Variants in LTBP1 observed in about 807,000 individuals in gnomAD.
The protein encoded by LTBP1 is latent transforming growth factor beta binding protein 1.
A neutral mutation model predicts 207.6 loss-of-function variants in LTBP1; 129 were observed. The ratio of observed to expected loss-of-function variants is 0.62; its 90% CI spans 0.54 to 0.72. The LOEUF is 0.72. LTBP1 is among the 30% of genes least tolerant of loss of function. LTBP1 has a pLI of 0.00. For synonymous variants in LTBP1, 963 were observed against 833.7 expected (o/e 1.16, Z -2.67); for missense variants, 2,281 against 2,217.2 (o/e 1.03, Z -0.58).
At chr2:33,388,305 G>A (rs1277713888) in intron 31 of LTBP1, among the ~76,000 whole-genome samples, 1 of 152,178 alleles carries the variant, frequency 6.6e-6, no homozygotes, top group Non-Finnish European at 1.5e-5. Flanking sequence ...CCACAGATGG[G>A]TCTAGCTGGG....
Position 33,365,421 on chromosome 2 carries a change from G to A in LTBP1, c.4629G>A (p.Lys1543=), listed in dbSNP as rs2094973464. 1.9e-6 allele frequency: 3 copies of A among 1,614,222 alleles called. No individual in the cohort carries two copies. Among genetic ancestry groups the A allele is most frequent in the African/African-American group, 1.3e-5 (1 of 75,046 alleles). ...EYVCSRPLVG[K]QTTYTECCCL... The stretch of plus-strand genomic sequence containing the variant: ...TGTGTAGCCGGCCTCTTGTGGGCAA[G>A]CAGACAACGTACACTGAGTGCTGCT... Residue 1543 remains lysine, a synonymous_variant, in exon 31 of 34, where the codon AAG becomes AAA. Coordinates refer to ENST00000404816, the MANE Select transcript of LTBP1 (RefSeq NM_206943.4).
At chr2:32,962,040 C>CT (rs200085324) in intron 2 of LTBP1, among the ~76,000 whole-genome samples, 8,419 of 151,748 alleles carry the variant, frequency 0.055, 270 homozygotes, top group African/African-American at 0.073. Flanking sequence ...AGTTTGTACA[C>CT]TTTTTTTAAT....
chr2:33,055,316 C>T (rs187254195), intron 3 of LTBP1, among the ~76,000 whole-genome samples: 1 of 152,236 alleles, frequency 6.6e-6, no homozygotes, highest in Non-Finnish European at 1.5e-5. Flanking sequence ...TTAAGGCCTC[C>T]CATAGCCACT....
intron 9 of LTBP1, among the ~76,000 whole-genome samples, chr2:33,238,222 A>G (rs1399476019): frequency 6.6e-6 from 1 of 152,170 alleles, no homozygotes; most frequent in African/African-American, 2.4e-5. Flanking sequence ...ATCTCCAGAA[A>G]GCTTCATATT....
At chr2:33,063,928 A>G (rs1269513344) in intron 3 of LTBP1, among the ~76,000 whole-genome samples, 2 of 151,026 alleles carry the variant, frequency 1.3e-5, no homozygotes, top group Non-Finnish European at 2.9e-5. Context: ...ACCTTGGCTC[A>G]CTGCAACCTC....
rs1221871971 is a variant in LTBP1 at position 33,269,984 on chromosome 2, G to C, written c.2618-3672G>C. ...ATTCAACTTTTTTTTTTTTTTTTTT[G>C]AGGCAAAGTCTCGCCCTGTCACTCA... On this transcript the variant is annotated intron_variant, in intron 15 of 33. Coordinates refer to ENST00000404816, the MANE Select transcript of LTBP1 (RefSeq NM_206943.4). 4.3e-5 allele frequency among the ~76,000 whole-genome samples: 3 copies of C among 69,714 alleles called. No individual in the cohort carries two copies. The South Asian group carries it at 1.3e-3, about 31-fold the overall frequency. 45.7% of individuals were successfully genotyped at this position (69,714 alleles called of 152,430 possible).
chr2:33,375,686 C>T (rs955264602), intron 31 of LTBP1, among the ~76,000 whole-genome samples: 1 of 151,380 alleles, frequency 6.6e-6, no homozygotes, highest in Non-Finnish European at 1.5e-5. Context: ...CGCCACCATG[C>T]CCGGCTAATT....
rs542437577 is a variant in LTBP1, at chr2:33,190,140, TA to T, written c.1701+1293del. 4.6e-5 allele frequency among the ~76,000 whole-genome samples: 7 copies of T among 152,344 alleles called. No homozygotes were observed. The South Asian group carries it at 1.4e-3, about 32-fold the overall frequency. The stretch of plus-strand genomic sequence containing the variant: ...AGTGAGAGAAAGGCAAAATTTTCTT[TA>T]AAACTCATCATTGAATGTGCATAGC... On this transcript the variant is annotated intron_variant, in intron 7 of 33. Transcript: ENST00000404816.
At chr2:33,320,167 G>C (rs1352895448) in intron 24 of LTBP1, among the ~76,000 whole-genome samples, 3 of 152,050 alleles carry the variant, frequency 2.0e-5, no homozygotes, top group African/African-American at 7.2e-5. Flanking sequence ...TCAGGAGTTC[G>C]AGGCCAGCTT....
At chr2:33,145,466 G>A (rs2082952022) in intron 5 of LTBP1, among the ~76,000 whole-genome samples, 1 of 152,204 alleles carries the variant, frequency 6.6e-6, no homozygotes. Flanking sequence ...GTTTACTACA[G>A]TGAGGAAAGC....
intron 15 of LTBP1, among the ~76,000 whole-genome samples, chr2:33,269,162 T>C (rs2093258506): frequency 6.6e-6 from 1 of 152,210 alleles, no homozygotes; most frequent in African/African-American, 2.4e-5. Context: ...AGAAAAAAGC[T>C]AAAAGTCAGT....
intron 5 of LTBP1, among the ~76,000 whole-genome samples, chr2:33,181,278 G>T (rs961521494): frequency 6.6e-6 from 1 of 152,170 alleles, no homozygotes; most frequent in Admixed American, 6.5e-5. Flanking sequence ...AATTCAGTTT[G>T]CCCGCATTTA....
rs141209548 is a variant in LTBP1, at chr2:33,146,593, T to C, written c.1201+11633T>C. Among the ~76,000 whole-genome samples the C allele has an allele frequency of 3.5e-3, 532 of 152,196 alleles. 3 individuals are homozygous for C. The highest frequency in any genetic ancestry group is 0.012 in the African/African-American group (506 of 41,512). On this transcript the variant is annotated intron_variant, in intron 5 of 33. Coordinates refer to ENST00000404816, the MANE Select transcript of LTBP1 (RefSeq NM_206943.4). ...CTGTTAAAAACTACCTGAGACTGGG[T>C]AGGTTTCAAAGAAGAGGTTTAAGGA... is the stretch of plus-strand genomic sequence containing the variant.
chr2:33,105,690 C>T (rs1203763699), intron 3 of LTBP1, among the ~76,000 whole-genome samples: 2 of 152,144 alleles, frequency 1.3e-5, no homozygotes, highest in African/African-American at 2.4e-5. Context: ...GCTTCGGCCT[C>T]GCAAAGTGCT....
intron 3 of LTBP1, among the ~76,000 whole-genome samples, chr2:33,031,260 C>T (rs975314312): frequency 1.3e-5 from 2 of 152,152 alleles, no homozygotes; most frequent in Non-Finnish European, 2.9e-5. Flanking sequence ...AGACATAAAT[C>T]GTAATATACT....
intron 24 of LTBP1, among the ~76,000 whole-genome samples, chr2:33,326,640 A>ATTTATTTATTTATTTATTTATTTATTT (rs2094431007): frequency 6.2e-5 from 9 of 144,588 alleles, no homozygotes; most frequent in African/African-American, 2.1e-4. Flanking sequence ...TGAGGGATAT[A>ATTTATTTATTTATTTATTTATTTATTT]ATTTATTTAT....
At chr2:33,028,828 A>G (rs1260230545) in intron 3 of LTBP1, among the ~76,000 whole-genome samples, 4 of 152,160 alleles carry the variant, frequency 2.6e-5, no homozygotes, top group African/African-American at 9.7e-5. Context: ...TGCACTTAGA[A>G]TGGCTGTGAT....
At chr2:33,392,961 G>A (rs1296199572) in intron 32 of LTBP1, among the ~76,000 whole-genome samples, 1 of 151,684 alleles carries the variant, frequency 6.6e-6, no homozygotes, top group Non-Finnish European at 1.5e-5. Flanking sequence ...TCCTGCCTCA[G>A]CCTCCTGAGT....
intron 30 of LTBP1, among the ~76,000 whole-genome samples, chr2:33,364,818 G>A (rs561718354): frequency 3.9e-5 from 6 of 152,322 alleles, no homozygotes; most frequent in South Asian, 4.1e-4. Context: ...GCAAAAAGCC[G>A]CTGATAATTG....
Sources: gnomAD v4.1 joint callset for allele counts (sites outside exome capture counted in the v4.1 genomes callset) on GRCh38, gnomAD v4.1.1 for gene constraint, MANE v1.5 for transcripts, NCBI Gene and HGNC (gene_info 2026-07-23, HGNC 2026-07-21) for gene names.